PI16: variants seen among roughly 807,000 people sequenced by gnomAD.
PI16 encodes the protein peptidase inhibitor 16, also known as PSP94-binding protein.
In PI16, 35 loss-of-function variants were observed where a neutral mutation model predicts 38.0. That is an observed-to-expected ratio of 0.92 (90% CI 0.70 to 1.22). The LOEUF is 1.22. PI16 is among the 50% of genes most tolerant of loss of function. The pLI is 0.00. For synonymous variants in PI16, 275 were observed against 252.9 expected, an observed-to-expected ratio of 1.09 and a Z score of -0.83; for missense variants, 572 against 593.8, an observed-to-expected ratio of 0.96 and a Z score of 0.38.
chr6:36,961,683 TC>T, intron 3 of PI16, 123 bp downstream of exon 3: 1 of 965,682 alleles, frequency 1.0e-6, no homozygotes, highest in Non-Finnish European at 1.6e-6. Context: ...AGCAATACTG[TC>T]CAGGGAGCTG....
upstream of PI16, among the ~76,000 whole-genome samples, chr6:36,953,676 C>A (rs563755550): frequency 6.6e-6 from 1 of 152,226 alleles, no homozygotes; most frequent in East Asian, 1.9e-4. Context: ...CTTCAAGGAT[C>A]CCAGCTGTCC....
At chr6:36,954,458 G>A, upstream of PI16, 1 of 315,732 alleles carries the variant, frequency 3.2e-6, no homozygotes, top group Non-Finnish European at 5.8e-6. Flanking sequence ...TCACAGCTCT[G>A]CAGAGGTTAC....
upstream of PI16, among the ~76,000 whole-genome samples, chr6:36,953,272 G>A (rs890660290): frequency 2.0e-5 from 3 of 150,746 alleles, no homozygotes; most frequent in Non-Finnish European, 2.9e-5. Flanking sequence ...GGAGGCAGAG[G>A]TTGCAGTGAG....
chr6:36,954,677 C>A, upstream of PI16: 1 of 1,516,972 alleles, frequency 6.6e-7, no homozygotes, highest in Non-Finnish European at 8.8e-7. Flanking sequence ...TGCCCCACCC[C>A]AGCCAGGGTG....
chr6:36,958,077 C>G (rs1237400038), intron 1 of PI16, among the ~76,000 whole-genome samples: 1 of 152,230 alleles, frequency 6.6e-6, no homozygotes, highest in Non-Finnish European at 1.5e-5. Context: ...CACCCATCCC[C>G]ATGCCAGGCA....
chr6:36,961,269 A>T (rs1763358523), intron 2 of PI16, among the ~76,000 whole-genome samples, 182 bp from the exon 3 acceptor site: 1 of 151,722 alleles, frequency 6.6e-6, no homozygotes, highest in Non-Finnish European at 1.5e-5. Context: ...TTAGGGACAA[A>T]CTCCCCCATC....
At position 36,964,551 on chromosome 6, in the gene PI16, A is replaced by G. The variant is rs1063021; in HGVS notation, c.*184A>G. 59,729 of 152,556 alleles carry G rather than the reference A, an allele frequency of 0.39. 12,431 individuals are homozygous for G. The highest frequency in any genetic ancestry group is 0.5 in the Admixed American group (7,714 of 15,290). 9.5% of individuals were successfully genotyped at this position (152,556 alleles called of 1,614,324 possible). A position where few individuals can be genotyped will look rare whatever the true frequency, so the allele number is the denominator to read the frequency against. The stretch of plus-strand genomic sequence containing the variant: ...AGGCCTGGCTGGCTGCGAGCTCAGG[A>G]GGCCGCCTGAGGACTGCACACCGGG... On this transcript the variant is annotated 3_prime_UTR_variant, in exon 7 of 7. Coordinates refer to ENST00000373674, the MANE Select transcript of PI16 (RefSeq NM_153370.3).
rs765925716 is a variant in PI16 at position 36,963,375 on chromosome 6, G to C, written c.1033G>C (p.Gly345Arg). ...NSLDPKMSLT[G>R]ARELLPHAQE... ...TCTGGACCCCAAGATGTCCCTGACA[G>C]GGGCAAGGGAACTCCTACCCCATGC... The change falls in exon 5 of 7, where the codon GGG becomes CGG. Residue 345 changes from glycine to arginine, a missense_variant. Transcript: ENST00000373674. 6.2e-7 allele frequency: 1 copy of C among 1,614,204 alleles called. No homozygotes were observed. The highest frequency in any genetic ancestry group is 1.1e-5 in the South Asian group (1 of 91,084).
In PI16 at chr6:36,962,865, G is replaced by C; in HGVS notation, c.593-70G>C. 7.3e-7 allele frequency: 1 copy of C among 1,376,746 alleles called. No individual in the cohort carries two copies. Among genetic ancestry groups the C allele is most frequent in the Non-Finnish European group, 9.9e-7 (1 of 1,005,438 alleles). 85.3% of individuals were successfully genotyped at this position (1,376,746 alleles called of 1,614,324 possible). A position where few individuals can be genotyped will look rare whatever the true frequency, so the allele number is the denominator to read the frequency against. ...GTAGGACATTTGGTCGCGTCACTTG[G>C]TTTGCAGTGCCATGAGAGATGTGGG... On this transcript the variant is annotated intron_variant, in intron 4 of 6. Coordinates refer to ENST00000373674, the MANE Select transcript of PI16 (RefSeq NM_153370.3). This position sits in a 1 kb window ranked among gnomAD's most constrained non-coding sequence, Gnocchi z 4.1.
At chr6:36,955,678 A>G (rs1763185304) in intron 1 of PI16, among the ~76,000 whole-genome samples, 1 of 152,216 alleles carries the variant, frequency 6.6e-6, no homozygotes, top group African/African-American at 2.4e-5. Context: ...ATCTCTTTAC[A>G]TGAAGTCTGA....
Position 36,964,653 on chromosome 6 carries a change from G to T in PI16, c.*286G>T. On this transcript the variant is annotated 3_prime_UTR_variant, in exon 7 of 7. Transcript: ENST00000373674. Reference sequence around the variant, plus strand: ...AGGGAGCTCACTGCCTACCTGGCCTGGGGCTGTCTGCCCACACAGCATGTG... The same window carrying T: ...AGGGAGCTCACTGCCTACCTGGCCTTGGGCTGTCTGCCCACACAGCATGTG... 1 of 152,600 alleles carries T rather than the reference G, an allele frequency of 6.6e-6. No individual in the cohort carries two copies. The highest frequency in any genetic ancestry group is 1.5e-5 in the Non-Finnish European group (1 of 68,300). 9.5% of individuals were successfully genotyped at this position (152,600 alleles called of 1,614,324 possible).
At position 36,963,852 on chromosome 6, in the gene PI16, G is replaced by C. The variant is rs201227678; in HGVS notation, c.1300G>C (p.Val434Leu). The C allele has an allele frequency of 1.9e-6, 3 of 1,612,208 alleles. No homozygotes were observed. Among genetic ancestry groups the C allele is most frequent in the Non-Finnish European group, 2.5e-6 (3 of 1,179,250 alleles). The change falls in exon 6 of 7, where the codon GTG (valine) becomes CTG (leucine). Residue 434 changes from valine (V) to leucine (L), a missense_variant. Val to Leu is a conservative substitution (Grantham distance 32). Coordinates refer to ENST00000373674, the MANE Select transcript of PI16 (RefSeq NM_153370.3). ...GAEGPDKPSVVSGLNSGPGHV... is the reference protein window; with the variant it reads ...GAEGPDKPSVLSGLNSGPGHV... ...AGAGGGCCCTGACAAGCCTAGCGTC[G>C]TGTCAGGGCTGAACTCGGGCCCTGG...
At chr6:36,950,275 A>G (rs1763077971), upstream of PI16, among the ~76,000 whole-genome samples, 1 of 152,186 alleles carries the variant, frequency 6.6e-6, no homozygotes, top group Non-Finnish European at 1.5e-5. The surrounding 1 kb of genome is among the most constrained non-coding windows in gnomAD (Gnocchi z 4.2). Flanking sequence ...GGTACTGCAT[A>G]TAAGTGGGAT....
intron 1 of PI16, among the ~76,000 whole-genome samples, chr6:36,949,133 CTCTT>C (rs1169748096): frequency 3.0e-4 from 45 of 150,734 alleles, no homozygotes; most frequent in Admixed American, 3.0e-3. Flanking sequence ...CTCTCTTCCT[CTCTT>C]TCTTTCTTCT....
rs1425110634 is a variant in PI16, at chr6:36,959,294, C to G, written c.321C>G (p.His107Gln). 1 of 1,593,248 alleles carries G rather than the reference C, an allele frequency of 6.3e-7. No individual in the cohort carries two copies. The highest frequency in any genetic ancestry group is 2.3e-5 in the East Asian group (1 of 43,876). ...MDVPLAMEEW[H>Q]HEREHYNLSA... ...TGCCGCTGGCCATGGAGGAGTGGCA[C>G]CACGAGCGTGAGCACTACAACCTCA... The change falls in exon 2 of 7, where the codon CAC becomes CAG. Residue 107 changes from histidine (H) to glutamine (Q), a missense_variant. Coordinates refer to ENST00000373674, the MANE Select transcript of PI16 (RefSeq NM_153370.3).
intron 1 of PI16, among the ~76,000 whole-genome samples, chr6:36,957,480 T>C (rs562893100): frequency 6.6e-6 from 1 of 152,332 alleles, no homozygotes; most frequent in South Asian, 2.1e-4. Context: ...ATGACTTTTA[T>C]GTCAATGGAA....
chr6:36,963,122 G>A lies in PI16; in HGVS notation c.780G>A (p.Val260=). 1.2e-6 allele frequency: 2 copies of A among 1,614,228 alleles called. No homozygotes were observed. Among genetic ancestry groups the A allele is most frequent in the Non-Finnish European group, 1.7e-6 (2 of 1,180,048 alleles). ...GSLATKALPA[V]ETQAPTSLAT... is the part of the protein sequence containing the mutation. ...TGGCAACCAAGGCTCTGCCTGCTGTGGAAACCCAGGCCCCAACTTCCTTAG... is the reference window on the plus strand; with the variant it reads ...TGGCAACCAAGGCTCTGCCTGCTGTAGAAACCCAGGCCCCAACTTCCTTAG... The change falls in exon 5 of 7, where the codon GTG becomes GTA. Residue 260 remains valine (V), a synonymous_variant. Transcript: ENST00000373674.
intron 1 of PI16, among the ~76,000 whole-genome samples, chr6:36,955,494 C>T (rs1430861776): frequency 3.3e-5 from 5 of 152,102 alleles, no homozygotes; most frequent in Non-Finnish European, 7.4e-5. Context: ...AATTCTGTCT[C>T]GGTCACCTAC....
intron 2 of PI16, among the ~76,000 whole-genome samples, chr6:36,961,168 G>C (rs940016944): frequency 2.6e-5 from 4 of 152,176 alleles, no homozygotes; most frequent in African/African-American, 4.8e-5. Flanking sequence ...ATTAATGAGG[G>C]TATATCACAG....
Sources: allele counts gnomAD v4.1 joint callset (sites outside exome capture counted in the v4.1 genomes callset), GRCh38; gene constraint gnomAD v4.1.1; non-coding constraint Gnocchi (gnomAD v3.1); transcripts MANE v1.5; gene names NCBI Gene and HGNC (gene_info 2026-07-23, HGNC 2026-07-21).